Variants in PTPN2 observed in about 807,000 individuals in gnomAD.
PTPN2 encodes the protein protein tyrosine phosphatase non-receptor type 2.
In PTPN2, 19 loss-of-function variants were observed where a neutral mutation model predicts 57.3. That is an observed-to-expected ratio of 0.33 (90% CI 0.23 to 0.49). The LOEUF (loss-of-function observed/expected upper bound fraction) is 0.49. Ranked by LOEUF, PTPN2 falls within the 20% of genes least tolerant of loss-of-function variation. The pLI, the probability that PTPN2 is intolerant of heterozygous loss-of-function variation, is 0.99. For missense variants in PTPN2, 358 were observed against 501.1 expected, an observed-to-expected ratio of 0.71 and a Z score of 2.73; for synonymous variants, 153 against 164.9, an observed-to-expected ratio of 0.93 and a Z score of 0.55.
Position 12,801,989 on chromosome 18 carries a change from T to C in PTPN2, c.1021A>G (p.Met341Val), listed in dbSNP as rs934635618. Residue 341 changes from methionine (M) to valine (V), a missense_variant, in exon 8 of 9, where the codon ATG (methionine) becomes GTG (valine). Met to Val is a conservative substitution (Grantham distance 21). Around this residue, in one of 4 missense-constraint regions of PTPN2, gnomAD observed 96 missense variants for 110.8 expected, o/e 0.87. Coordinates refer to ENST00000309660, the MANE Select transcript of PTPN2 (RefSeq NM_002828.4). ...TGLSSKMQDT[M>V]EENSESALRK... Reference sequence around the variant, plus strand: ...GCTTACCTCTCACTGTTCTCCTCCATTGTATCTTGCATTTTAGAGGAAAGT... The same window carrying C: ...GCTTACCTCTCACTGTTCTCCTCCACTGTATCTTGCATTTTAGAGGAAAGT... 1.9e-6 allele frequency: 3 copies of C among 1,608,288 alleles called. No homozygotes were observed. The highest frequency in any genetic ancestry group is 1.7e-5 in the Admixed American group (1 of 59,486).
At chr18:12,852,809 G>A (rs2043443940) in intron 2 of PTPN2, among the ~76,000 whole-genome samples, 1 of 152,210 alleles carries the variant, frequency 6.6e-6, no homozygotes, top group Admixed American at 6.5e-5. Context: ...TGTTAAGATT[G>A]TTTAAAAATA....
chr18:12,819,145 C>A, intron 5 of PTPN2: 1 of 627,824 alleles, frequency 1.6e-6, no homozygotes, highest in Non-Finnish European at 2.4e-6. Flanking sequence ...ACTTCTATGT[C>A]CCAGACTCAG....
intron 6 of PTPN2, 68 bp downstream of exon 6, chr18:12,817,088 A>T: frequency 7.1e-7 from 1 of 1,410,734 alleles, no homozygotes; most frequent in Non-Finnish European, 9.9e-7. Context: ...GAGTTTATTC[A>T]CTGCCAGTGG....
rs189390856 is a variant in PTPN2, at chr18:12,872,217, T to A, written c.69+11856A>T. On this transcript the variant is annotated intron_variant, in intron 1 of 8. Transcript: ENST00000309660. ...AGAGGGGTACAAACTCTAGGAATCC[T>A]GTAGCCTTACCTCAAACCACAGGAA... 3 of 152,298 alleles carry A rather than the reference T, an allele frequency of 2.0e-5. No individual in the cohort carries two copies. The East Asian group carries it at 5.8e-4, about 29-fold the overall frequency. The allele number at this position is 152,298 out of a possible 1,614,324, so 9.4% of individuals were successfully genotyped here.
chr18:12,827,899 TA>T (rs1242702954), intron 4 of PTPN2, among the ~76,000 whole-genome samples: 1 of 152,110 alleles, frequency 6.6e-6, no homozygotes, highest in East Asian at 1.9e-4. Flanking sequence ...TAAAAAATTT[TA>T]AAAAGTACTT....
At chr18:12,860,833 T>C (rs902910867) in intron 1 of PTPN2, among the ~76,000 whole-genome samples, 2 of 152,160 alleles carry the variant, frequency 1.3e-5, no homozygotes, top group Non-Finnish European at 2.9e-5. Context: ...TCACTACTGA[T>C]GTATCCAGAA....
At chr18:12,788,825 CA>C (rs2040910631), downstream of PTPN2, among the ~76,000 whole-genome samples, 1 of 152,108 alleles carries the variant, frequency 6.6e-6, no homozygotes, top group African/African-American at 2.4e-5. Context: ...AGCACATGTA[CA>C]GCATTGCTCA....
At chr18:12,799,335 T>C (rs886163910) in intron 8 of PTPN2, among the ~76,000 whole-genome samples, 1 of 151,830 alleles carries the variant, frequency 6.6e-6, no homozygotes, top group African/African-American at 2.4e-5. Context: ...GAGAATTGCT[T>C]GAACCCGGGA....
At chr18:12,845,311 A>G (rs1456528193) in intron 2 of PTPN2, among the ~76,000 whole-genome samples, 1 of 152,194 alleles carries the variant, frequency 6.6e-6, no homozygotes, top group Admixed American at 6.5e-5. Flanking sequence ...CTTCCAATCC[A>G]TGAACATGGT....
chr18:12,865,663 G>A (rs2043966690), intron 1 of PTPN2, among the ~76,000 whole-genome samples: 2 of 151,788 alleles, frequency 1.3e-5, no homozygotes, highest in South Asian at 4.2e-4. Context: ...AAAAGAGTGA[G>A]CTGGGCAAAA....
chr18:12,786,851 A>G (rs2040856107), intron 9 of PTPN2: 1 of 152,216 alleles, frequency 6.6e-6, no homozygotes, highest in South Asian at 2.1e-4. Flanking sequence ...ATTATCCAAC[A>G]GTGACGGAGA....
chr18:12,859,527 A>G (rs991031915), intron 1 of PTPN2, among the ~76,000 whole-genome samples: 5 of 152,200 alleles, frequency 3.3e-5, no homozygotes, highest in Non-Finnish European at 7.4e-5. Context: ...CATTGAACCA[A>G]GGTCCTTCAG....
intron 8 of PTPN2, among the ~76,000 whole-genome samples, chr18:12,799,919 C>T (rs2041348656): frequency 6.6e-6 from 1 of 152,138 alleles, no homozygotes; most frequent in South Asian, 2.1e-4. Flanking sequence ...GCGTGAGCCA[C>T]CACGCCCGGC....
chr18:12,819,952 T>C (rs976221642), intron 5 of PTPN2, among the ~76,000 whole-genome samples: 1 of 152,230 alleles, frequency 6.6e-6, no homozygotes, highest in African/African-American at 2.4e-5. Flanking sequence ...TGTGTGGGCC[T>C]TCATGTGGTC....
intron 4 of PTPN2, 46 bp from the exon 5 acceptor site, chr18:12,825,990 T>A (rs2145353452): frequency 6.9e-7 from 1 of 1,459,608 alleles, no homozygotes. Flanking sequence ...TTTATAGACA[T>A]CATGAAACCA....
rs200497259 is a variant in PTPN2, at chr18:12,793,766, AATAG to A, written c.*508_*511del. The A allele has an allele frequency of 1.4e-4, 126 of 906,166 alleles. No individual in the cohort carries two copies. The highest frequency in any genetic ancestry group is 1.2e-3 in the African/African-American group (65 of 55,992). 56.1% of individuals were successfully genotyped at this position (906,166 alleles called of 1,614,324 possible). On this transcript the variant is annotated 3_prime_UTR_variant, in exon 9 of 9. Transcript: ENST00000309660. ...AAGTACAGTTAACTACAAAAGATTA[AATAG>A]ATACTTATAAAATATATTTACCCTG...
At chr18:12,872,714 A>G (rs1164786044) in intron 1 of PTPN2, among the ~76,000 whole-genome samples, 1 of 152,210 alleles carries the variant, frequency 6.6e-6, no homozygotes, top group African/African-American at 2.4e-5. Context: ...TCTCATAAAC[A>G]TGTTTCATCT....
chr18:12,865,244 G>C (rs1050855846), intron 1 of PTPN2, among the ~76,000 whole-genome samples: 13 of 151,792 alleles, frequency 8.6e-5, no homozygotes, highest in African/African-American at 2.9e-4. Context: ...ACCAGTCTGG[G>C]CAACACAGAC....
In PTPN2 at chr18:12,805,242, A is replaced by G. The variant is rs139036458; in HGVS notation, c.859-3091T>C. Among the ~76,000 whole-genome samples, 606 of 152,204 alleles carry G rather than the reference A, an allele frequency of 4.0e-3. 5 individuals are homozygous for G. Among genetic ancestry groups the G allele is most frequent in the Middle Eastern group, 0.017 (5 of 294 alleles). On this transcript the variant is annotated intron_variant, in intron 7 of 8. Coordinates refer to ENST00000309660, the MANE Select transcript of PTPN2 (RefSeq NM_002828.4). ...GAGGCTGAGGTGGGTGAATCACTTG[A>G]GGTCAGGCGTTTGGGACTGGTCTGG...
Sources: gnomAD v4.1 joint callset for allele counts (sites outside exome capture counted in the v4.1 genomes callset) on GRCh38, gnomAD v4.1.1 for gene constraint, gnomAD v4.1.1 regional missense constraint, MANE v1.5 for transcripts, NCBI Gene and HGNC (gene_info 2026-07-23, HGNC 2026-07-21) for gene names.